The following SH3RF3 variants were observed in gnomAD, a reference collection of about 807,000 sequenced individuals.
SH3RF3 encodes E3 ubiquitin-protein ligase SH3RF3.
A neutral mutation model predicts 66.3 loss-of-function variants in SH3RF3; 29 were observed. That is an observed-to-expected ratio of 0.44 (90% CI 0.33 to 0.60). The LOEUF is 0.60. Among genes scored for constraint, SH3RF3 ranks in the 20% least tolerant of loss-of-function variants. SH3RF3 has a pLI of 0.04. For synonymous variants in SH3RF3, 583 were observed against 532.0 expected (o/e 1.10, Z -1.32); for missense variants, 1,194 against 1,190.9 (o/e 1.00, Z -0.04).
rs528290688 is a variant in SH3RF3, at chr2:109,403,976, T to C, written c.1299+5033T>C. 4.6e-3 allele frequency among the ~76,000 whole-genome samples: 707 copies of C among 152,244 alleles called. 6 individuals carry two copies. Among genetic ancestry groups the C allele is most frequent in the African/African-American group, 0.016 (660 of 41,542 alleles). On this transcript the variant is annotated intron_variant, in intron 4 of 9. Transcript: ENST00000309415. The stretch of plus-strand genomic sequence containing the variant: ...CTTGAGTGTTGGCTGTGGTGGCTCT[T>C]TCTGCTGCTCAGGGAATCAGGGAAT...
chr2:109,425,030 G>C lies in SH3RF3; in HGVS notation c.1403+5388G>C, dbSNP rs980860940. Reference sequence around the variant, plus strand: ...GAAGGAAATTAAAAGTGCTACTCCAGGGAACACACGAATTATAAGAAAGTG... The same window carrying C: ...GAAGGAAATTAAAAGTGCTACTCCACGGAACACACGAATTATAAGAAAGTG... On this transcript the variant is annotated intron_variant, in intron 5 of 9. Coordinates refer to ENST00000309415, the MANE Select transcript of SH3RF3 (RefSeq NM_001099289.3). Among the ~76,000 whole-genome samples, 10 of 152,240 alleles carry C rather than the reference G, an allele frequency of 6.6e-5. No individual in the cohort carries two copies. The South Asian group carries it at 8.3e-4, about 13-fold the overall frequency.
At chr2:109,423,973 C>T (rs1676961467) in intron 5 of SH3RF3, among the ~76,000 whole-genome samples, 1 of 152,218 alleles carries the variant, frequency 6.6e-6, no homozygotes, top group South Asian at 2.1e-4. Context: ...GACATAGACC[C>T]TGGCGGGCAA....
chr2:109,296,442 A>G (rs540114478), intron 1 of SH3RF3, among the ~76,000 whole-genome samples: 3 of 151,520 alleles, frequency 2.0e-5, no homozygotes, highest in East Asian at 1.9e-4. Flanking sequence ...GGGTTTTACC[A>G]TGTTGTTCAA....
intron 1 of SH3RF3, among the ~76,000 whole-genome samples, chr2:109,253,626 T>G (rs929959246): frequency 7.2e-5 from 11 of 152,216 alleles, no homozygotes; most frequent in African/African-American, 2.4e-4. Flanking sequence ...TAGCCTGTGC[T>G]TGGGGCTGTG....
At chr2:109,452,585 G>C (rs1381775092) in intron 8 of SH3RF3, among the ~76,000 whole-genome samples, 1 of 152,208 alleles carries the variant, frequency 6.6e-6, no homozygotes, top group Non-Finnish European at 1.5e-5. Context: ...GTAGAGTAGG[G>C]AGTAATTTTC....
At chr2:109,333,234 C>T (rs1253304683) in intron 1 of SH3RF3, among the ~76,000 whole-genome samples, 2 of 152,176 alleles carry the variant, frequency 1.3e-5, no homozygotes, top group African/African-American at 4.8e-5. Flanking sequence ...ATTCTCCTGC[C>T]TGTAGTTGAG....
At chr2:109,371,759 C>G (rs11680644) in intron 3 of SH3RF3, 78 bp downstream of exon 3, 669,399 of 1,226,512 alleles carry the variant, frequency 0.55, 183,532 homozygotes, top group South Asian at 0.57. Flanking sequence ...ACCTGACCTT[C>G]AAGCCCCTTT....
intron 4 of SH3RF3, among the ~76,000 whole-genome samples, chr2:109,403,338 A>G (rs1006876656): frequency 1.3e-5 from 2 of 152,142 alleles, no homozygotes; most frequent in Non-Finnish European, 2.9e-5. Context: ...CCTGGCTTGC[A>G]TCACTTCTCA....
At chr2:109,490,469 G>A (rs1679100165) in intron 8 of SH3RF3, 136 bp from the exon 9 acceptor site, 4 of 749,880 alleles carry the variant, frequency 5.3e-6, no homozygotes, top group South Asian at 3.3e-5. Context: ...TGCTGTGAGT[G>A]GTAAAGTCTT....
chr2:109,467,787 C>T (rs1678396366), intron 8 of SH3RF3, among the ~76,000 whole-genome samples: 1 of 152,196 alleles, frequency 6.6e-6, no homozygotes, highest in Middle Eastern at 3.2e-3. Context: ...TCTGACCGTT[C>T]TGCAGTCCCC....
intron 3 of SH3RF3, among the ~76,000 whole-genome samples, chr2:109,392,810 C>T (rs1046253511): frequency 1.3e-5 from 2 of 152,196 alleles, no homozygotes; most frequent in East Asian, 1.9e-4. Flanking sequence ...CCACCACGCA[C>T]GGCCCCCTGG....
intron 8 of SH3RF3, among the ~76,000 whole-genome samples, chr2:109,486,820 T>C (rs1370643385): frequency 6.6e-6 from 1 of 152,152 alleles, no homozygotes; most frequent in Non-Finnish European, 1.5e-5. Flanking sequence ...CAGCAGCCCA[T>C]CACTTCCATG....
At chr2:109,427,528 C>T (rs1214108104) in intron 5 of SH3RF3, among the ~76,000 whole-genome samples, 1 of 152,124 alleles carries the variant, frequency 6.6e-6, no homozygotes, top group Non-Finnish European at 1.5e-5. Flanking sequence ...CAGGGTGAGG[C>T]CCCAGAATCT....
At chr2:109,348,066 T>C (rs1283885569) in intron 2 of SH3RF3, 117 bp downstream of exon 2, 2 of 1,377,428 alleles carry the variant, frequency 1.5e-6, no homozygotes, top group East Asian at 2.5e-5. Context: ...GAATCCTGGC[T>C]CCTCCCGGAA....
chr2:109,211,423 G>T (rs1678972324), intron 1 of SH3RF3, among the ~76,000 whole-genome samples: 1 of 152,228 alleles, frequency 6.6e-6, no homozygotes, highest in South Asian at 2.1e-4. Flanking sequence ...GCCCTGGCGA[G>T]GTAAGAAGCA....
At chr2:109,436,280 A>C (rs1244180496) in intron 6 of SH3RF3, among the ~76,000 whole-genome samples, 1 of 152,220 alleles carries the variant, frequency 6.6e-6, no homozygotes, top group South Asian at 2.1e-4. Flanking sequence ...TTAATTGCAA[A>C]TACACAGAGG....
chr2:109,368,862 T>C (rs1463002598), intron 2 of SH3RF3, among the ~76,000 whole-genome samples: 2 of 152,210 alleles, frequency 1.3e-5, no homozygotes, highest in Non-Finnish European at 2.9e-5. Flanking sequence ...AAGCCTTTGG[T>C]TATCTCTCCC....
intron 8 of SH3RF3, among the ~76,000 whole-genome samples, chr2:109,474,938 T>C (rs999432934): frequency 1.3e-5 from 2 of 152,174 alleles, no homozygotes; most frequent in Non-Finnish European, 1.5e-5. Flanking sequence ...CACCTTTCAG[T>C]GTTTTTTGTC....
chr2:109,347,162 G>A (rs1682729166), intron 1 of SH3RF3, among the ~76,000 whole-genome samples: 1 of 152,184 alleles, frequency 6.6e-6, no homozygotes, highest in African/African-American at 2.4e-5. Flanking sequence ...AAAAATGGTT[G>A]GATACTTGCT....
Sources: gnomAD v4.1 joint callset for allele counts (sites outside exome capture counted in the v4.1 genomes callset) on GRCh38, gnomAD v4.1.1 for gene constraint, MANE v1.5 for transcripts, NCBI Gene and HGNC (gene_info 2026-07-23, HGNC 2026-07-21) for gene names.